DAB1: variants seen among roughly 807,000 people sequenced by gnomAD.
The protein encoded by DAB1 is DAB adaptor protein 1, also known as disabled homolog 1.
Under a neutral mutation model 64.6 loss-of-function variants are expected in DAB1, and 15 were observed. The ratio of observed to expected loss-of-function variants is 0.23; its 90% CI spans 0.16 to 0.36. The LOEUF is 0.36. Among genes scored for constraint, DAB1 ranks in the 10% least tolerant of loss-of-function variants. DAB1 has a pLI of 1.00. For missense variants in DAB1, 596 were observed against 706.7 expected, an observed-to-expected ratio of 0.84 and a Z score of 1.78; for synonymous variants, 235 against 251.9, an observed-to-expected ratio of 0.93 and a Z score of 0.64.
At chr1:57,769,050 G>A (rs1410134480) in intron 6 of DAB1, among the ~76,000 whole-genome samples, 1 of 152,076 alleles carries the variant, frequency 6.6e-6, no homozygotes, top group Non-Finnish European at 1.5e-5. Context: ...TGTGTCTGTG[G>A]GGCCATTTCC....
intron 4 of DAB1, among the ~76,000 whole-genome samples, chr1:58,167,239 C>T (rs918878816): frequency 6.6e-6 from 1 of 152,178 alleles, no homozygotes; most frequent in Non-Finnish European, 1.5e-5. Context: ...ATTGTAAATG[C>T]ACCAATCAGC....
chr1:57,119,733 G>T (rs966278484), intron 4 of DAB1, among the ~76,000 whole-genome samples: 20 of 152,052 alleles, frequency 1.3e-4, no homozygotes, highest in Admixed American at 1.3e-3. Context: ...GCAGGAAGAG[G>T]TCTATTAAAT....
At chr1:58,239,717 G>A (rs1660205365) in intron 4 of DAB1, among the ~76,000 whole-genome samples, 1 of 152,036 alleles carries the variant, frequency 6.6e-6, no homozygotes, top group Non-Finnish European at 1.5e-5. Flanking sequence ...TCACAGAGTT[G>A]TCCAAATACA....
rs958079639 is a variant in DAB1 at position 57,563,975 on chromosome 1, T to C, written n.625+85617A>G. Among the ~76,000 whole-genome samples, 3 of 152,146 alleles carry C rather than the reference T, an allele frequency of 2.0e-5. No homozygotes were observed. The South Asian group carries it at 6.2e-4, about 32-fold the overall frequency. ...CAGCAAGGAGTTTGAGATCTGAGAA[T>C]GGAGAGACTGCCTCCTCAAGTGGGT... On this transcript the variant is annotated intron_variant and non_coding_transcript_variant, in intron 7 of 20. Transcript: ENST00000485760.
chr1:57,479,726 A>G (rs992091816), intron 7 of DAB1, among the ~76,000 whole-genome samples: 2 of 152,078 alleles, frequency 1.3e-5, no homozygotes, highest in African/African-American at 2.4e-5. Context: ...GGCTGGCACA[A>G]TGGAAGCTCC....
At chr1:57,507,453 T>C (rs1017878146) in intron 7 of DAB1, among the ~76,000 whole-genome samples, 2 of 152,212 alleles carry the variant, frequency 1.3e-5, no homozygotes, top group Non-Finnish European at 2.9e-5. Flanking sequence ...ACGTTCTATA[T>C]TTCCACCTCA....
upstream of DAB1, among the ~76,000 whole-genome samples, chr1:57,884,534 G>A (rs1225953325): frequency 6.6e-6 from 1 of 152,160 alleles, no homozygotes; most frequent in African/African-American, 2.4e-5. Context: ...CTATCTGTAG[G>A]ATAAATACCT....
intron 5 of DAB1, among the ~76,000 whole-genome samples, chr1:58,038,310 G>C (rs1369667242): frequency 6.6e-6 from 1 of 152,142 alleles, no homozygotes; most frequent in African/African-American, 2.4e-5. Context: ...TGTGGGGATG[G>C]AAGAGTGGAA....
At chr1:57,500,564 A>G (rs1055004977) in intron 7 of DAB1, among the ~76,000 whole-genome samples, 1 of 152,208 alleles carries the variant, frequency 6.6e-6, no homozygotes, top group Non-Finnish European at 1.5e-5. Context: ...GTTAGCCATC[A>G]GGAAATCTCA....
chr1:57,376,878 C>T (rs1180179804), intron 1 of DAB1, among the ~76,000 whole-genome samples: 2 of 152,198 alleles, frequency 1.3e-5, no homozygotes, highest in African/African-American at 4.8e-5. Flanking sequence ...CAAAATTTCC[C>T]TTGTTAAACA....
chr1:57,713,274 A>T (rs1247733033), intron 6 of DAB1, among the ~76,000 whole-genome samples: 1 of 152,204 alleles, frequency 6.6e-6, no homozygotes, highest in Non-Finnish European at 1.5e-5. Context: ...CCTAAGGATG[A>T]AGGCTTAGGA....
chr1:57,205,704 T>C (rs569927845), intron 2 of DAB1, among the ~76,000 whole-genome samples: 2 of 152,306 alleles, frequency 1.3e-5, no homozygotes, highest in South Asian at 4.1e-4. Context: ...GCAAAATTCC[T>C]TGTTCAAGAT....
chr1:57,173,910 A>C (rs2100935601), intron 2 of DAB1, among the ~76,000 whole-genome samples: 1 of 152,130 alleles, frequency 6.6e-6, no homozygotes, highest in South Asian at 2.1e-4. Context: ...ATTTCATGGG[A>C]TTTCCCAATT....
Position 57,191,625 on chromosome 1 carries a change from A to G in DAB1, c.68-46196T>C, listed in dbSNP as rs544362392. Among the ~76,000 whole-genome samples, 10 of 152,298 alleles carry G rather than the reference A, an allele frequency of 6.6e-5. No homozygotes were observed. The East Asian group carries it at 1.9e-3, about 29-fold the overall frequency. On this transcript the variant is annotated intron_variant, in intron 2 of 14. Transcript: ENST00000371236. The stretch of plus-strand genomic sequence containing the variant: ...TACAACTCATCCTTCAATGGGCTGT[A>G]CTCAAAGTTCTGTGCCACAGACACC...
At position 57,800,651 on chromosome 1, in the gene DAB1, A is replaced by G. The variant is rs566805813; in HGVS notation, n.551+83348T>C. Among the ~76,000 whole-genome samples the G allele has an allele frequency of 2.0e-5, 3 of 152,336 alleles. No homozygotes were observed. In the East Asian group the frequency reaches 5.8e-4, roughly 29 times the overall value. The stretch of plus-strand genomic sequence containing the variant: ...AGAAGGTAATTGGGATTTAAGTTAC[A>G]GTCTCGGGAAGAAATACATCACATC... On this transcript the variant is annotated intron_variant and non_coding_transcript_variant, in intron 6 of 20. Coordinates refer to the DAB1 transcript ENST00000485760.
chr1:57,403,672 G>T (rs1351770450), intron 1 of DAB1, among the ~76,000 whole-genome samples: 1 of 151,986 alleles, frequency 6.6e-6, no homozygotes, highest in Non-Finnish European at 1.5e-5. Context: ...GGGGTTAAAA[G>T]ACCAGAAAAA....
chr1:57,100,049 A>G (rs1654526158), intron 4 of DAB1, among the ~76,000 whole-genome samples: 1 of 152,188 alleles, frequency 6.6e-6, no homozygotes, highest in Admixed American at 6.5e-5. Context: ...AAGGTCAGTG[A>G]TCAAGCGGTA....
At chr1:58,507,870 G>A (rs560281889) in intron 2 of DAB1, among the ~76,000 whole-genome samples, 1 of 151,954 alleles carries the variant, frequency 6.6e-6, no homozygotes, top group Non-Finnish European at 1.5e-5. Context: ...AATATAAAAT[G>A]ACTTGAAAGA....
At chr1:57,599,102 A>G (rs1570661541) in intron 7 of DAB1, among the ~76,000 whole-genome samples, 2 of 151,510 alleles carry the variant, frequency 1.3e-5, no homozygotes, top group Non-Finnish European at 2.9e-5. Flanking sequence ...TAGAATTCAT[A>G]CCTGCTAAAA....
Sources: gnomAD v4.1 joint callset for allele counts (sites outside exome capture counted in the v4.1 genomes callset) on GRCh38, gnomAD v4.1.1 for gene constraint, MANE v1.5 for transcripts, NCBI Gene and HGNC (gene_info 2026-07-23, HGNC 2026-07-21) for gene names.